The following LLGL1 variants were observed in gnomAD, a reference collection of about 807,000 sequenced individuals.
The protein encoded by LLGL1 is LLGL scribble cell polarity complex component 1, also known as lethal(2) giant larvae protein homolog 1.
Under a neutral mutation model 110.6 loss-of-function variants are expected in LLGL1, and 58 were observed. The ratio of observed to expected loss-of-function variants is 0.52; its 90% CI spans 0.42 to 0.65. LLGL1 has a LOEUF of 0.65. Ranked by LOEUF, LLGL1 falls within the 30% of genes least tolerant of loss-of-function variation. LLGL1 has a pLI of 0.00. For synonymous variants in LLGL1, 674 were observed against 607.2 expected, an observed-to-expected ratio of 1.11 and a Z score of -1.62; for missense variants, 1,229 against 1,462.1, an observed-to-expected ratio of 0.84 and a Z score of 2.60.
chr17:18,233,164 G>A (rs2047606266), intron 4 of LLGL1, among the ~76,000 whole-genome samples: 1 of 152,220 alleles, frequency 6.6e-6, no homozygotes, highest in African/African-American at 2.4e-5. Flanking sequence ...TTAGTAACAG[G>A]AAGGGTCCCC....
Position 18,232,505 on chromosome 17 carries a change from C to A in LLGL1, c.190C>A (p.Pro64Thr). 5.0e-6 allele frequency: 8 copies of A among 1,613,840 alleles called. No homozygotes were observed. The highest frequency in any genetic ancestry group is 6.8e-6 in the Non-Finnish European group (8 of 1,179,816). Reference sequence around the variant, plus strand: ...ACCTGCCACCCTCAGCTATGGTGCACCTGGCGTGGAGTTCACAGGCCTGCA... The same window carrying A: ...ACCTGCCACCCTCAGCTATGGTGCAACTGGCGTGGAGTTCACAGGCCTGCA... ...RSGAVKIYGAPGVEFTGLHRD... is the reference protein window; with the variant it reads ...RSGAVKIYGATGVEFTGLHRD... Residue 64 changes from proline (P) to threonine (T), a missense_variant, in exon 3 of 23, where the codon CCT becomes ACT. Coordinates refer to ENST00000316843, the MANE Select transcript of LLGL1 (RefSeq NM_004140.4).
In LLGL1 at chr17:18,225,702, G is replaced by C; in HGVS notation, c.20G>C (p.Arg7Pro). 5.7e-6 allele frequency: 6 copies of C among 1,050,110 alleles called. No individual in the cohort carries two copies. The highest frequency in any genetic ancestry group is 5.8e-6 in the Non-Finnish European group (5 of 862,258). The allele number at this position is 1,050,110 out of a possible 1,614,324, so 65.0% of individuals were successfully genotyped here. A position where few individuals can be genotyped will look rare whatever the true frequency, so the allele number is the denominator to read the frequency against. Reference protein sequence around the residue: MMKFRFRRQGADPQREK... With the variant: MMKFRFPRQGADPQREK... ...CGCAAGATGATGAAGTTTCGGTTCC[G>C]GCGGCAGGGCGCCGACCCGCAGCGC... The change falls in exon 1 of 23, where the codon CGG becomes CCG. Residue 7 changes from arginine to proline, a missense_variant. Transcript: ENST00000316843.
rs529500737 is a variant in LLGL1, at chr17:18,236,846, C to T, written c.1518C>T (p.Phe506=). ...DWPPFRKVGC[F]DPYSDDPRLG... is the part of the protein sequence containing the mutation. ...TCCCATCCCTCTAGGTGGGCTGCTT[C>T]GATCCCTACAGTGACGATCCCCGGC... Residue 506 remains phenylalanine, a synonymous_variant, in exon 13 of 23, where the codon TTC becomes TTT. Coordinates refer to ENST00000316843, the MANE Select transcript of LLGL1 (RefSeq NM_004140.4). The T allele has an allele frequency of 3.2e-5, 51 of 1,613,816 alleles. No individual in the cohort carries two copies. In the South Asian group the frequency reaches 4.4e-4, roughly 14 times the overall value.
At chr17:18,233,149 G>A (rs2047605869) in intron 4 of LLGL1, among the ~76,000 whole-genome samples, 1 of 152,190 alleles carries the variant, frequency 6.6e-6, no homozygotes, top group South Asian at 2.1e-4. Context: ...CAGGGCCTAA[G>A]CCAGTTAGTA....
In LLGL1 at chr17:18,240,601, T is replaced by G; in HGVS notation, c.2230T>G (p.Trp744Gly). Reference sequence around the variant, plus strand: ...AGGGGCCCACCACGGGCCCACCATGTGGGCTGGCACCAACTCAGGCTCTGT... The same window carrying G: ...AGGGGCCCACCACGGGCCCACCATGGGGGCTGGCACCAACTCAGGCTCTGT... ...RDGAHHGPTM[W>G]AGTNSGSVFA... Residue 744 changes from tryptophan to glycine, a missense_variant, in exon 17 of 23, where the codon TGG (tryptophan) becomes GGG (glycine). Coordinates refer to ENST00000316843, the MANE Select transcript of LLGL1 (RefSeq NM_004140.4). This position sits in a 1 kb window ranked among gnomAD's most constrained non-coding sequence, Gnocchi z 5.3. 1 of 1,601,604 alleles carries G rather than the reference T, an allele frequency of 6.2e-7. No homozygotes were observed. The highest frequency in any genetic ancestry group is 1.1e-5 in the South Asian group (1 of 90,574).
rs1265059426 is a variant in LLGL1 at position 18,238,181 on chromosome 17, T to C, written c.2019T>C (p.Ser673=). The C allele has an allele frequency of 6.2e-7, 1 of 1,612,886 alleles. No homozygotes were observed. Among genetic ancestry groups the C allele is most frequent in the Middle Eastern group, 1.6e-4 (1 of 6,062 alleles). Residue 673 remains serine (S), a synonymous_variant, in exon 15 of 23, where the codon TCT becomes TCC. Transcript: ENST00000316843. ...SFRRIRKSRV[S]GKKRAANASS... is the part of the protein sequence containing the mutation. The stretch of plus-strand genomic sequence containing the variant: ...GGCGCATTCGCAAGAGTCGTGTCTC[T>C]GGCAAGAAGCGGGCTGCTAATGCCA...
chr17:18,234,973 A>G lies in LLGL1; in HGVS notation c.1040A>G (p.His347Arg), dbSNP rs1212774836. The G allele has an allele frequency of 1.2e-6, 2 of 1,613,944 alleles. No homozygotes were observed. Among genetic ancestry groups the G allele is most frequent in the South Asian group, 1.1e-5 (1 of 91,068 alleles). ...TSRIIDFFTV[H>R]STRPEDEFDD... ...CGCATCATCGACTTCTTCACAGTGC[A>G]CAGCACACGGCCCGAGGATGGTGCG... Residue 347 changes from histidine to arginine, a missense_variant, in exon 9 of 23, where the codon CAC (histidine) becomes CGC (arginine). Transcript: ENST00000316843.
At position 18,235,110 on chromosome 17, in the gene LLGL1, T is replaced by G; in HGVS notation, c.1082T>G (p.Leu361Arg). The change falls in exon 10 of 23, where the codon CTG (leucine) becomes CGG (arginine). Residue 361 changes from leucine (L) to arginine (R), a missense_variant. Coordinates refer to ENST00000316843, the MANE Select transcript of LLGL1 (RefSeq NM_004140.4). ...ACAGAATTTGATGACCCCCAGGCCC[T>G]GGCTGTGCTGCTGGAAGAGGAGCTG... ...PEDEFDDPQA[L>R]AVLLEEELVV... 1 of 1,613,932 alleles carries G rather than the reference T, an allele frequency of 6.2e-7. No individual in the cohort carries two copies.
rs899775274 is a variant in LLGL1, at chr17:18,235,078, C to G, written c.1061-11C>G. On this transcript the variant is annotated splice_polypyrimidine_tract_variant and intron_variant, in intron 9 of 22. Coordinates refer to ENST00000316843, the MANE Select transcript of LLGL1 (RefSeq NM_004140.4). ...TGGCTGTGCTCACCCCATACTCCCT[C>G]CGTCCCACAGAATTTGATGACCCCC... 6.2e-7 allele frequency: 1 copy of G among 1,613,924 alleles called. No homozygotes were observed. The highest frequency in any genetic ancestry group is 8.5e-7 in the Non-Finnish European group (1 of 1,179,976).
In LLGL1 at chr17:18,240,967, C is replaced by G. The variant is rs2047817783; in HGVS notation, c.2502+94C>G. On this transcript the variant is annotated intron_variant, in intron 17 of 22. Coordinates refer to ENST00000316843, the MANE Select transcript of LLGL1 (RefSeq NM_004140.4). This position sits in a 1 kb window ranked among gnomAD's most constrained non-coding sequence, Gnocchi z 5.3. ...TGGACCCTCAAGAAACCCTTCCTGC[C>G]TGTATCCCCCACTGTTGGGACCCTA... The G allele has an allele frequency of 7.8e-7, 1 of 1,280,648 alleles. No individual in the cohort carries two copies. Among genetic ancestry groups the G allele is most frequent in the African/African-American group, 1.5e-5 (1 of 66,686 alleles). The allele number at this position is 1,280,648 out of a possible 1,614,324, so 79.3% of individuals were successfully genotyped here.
In LLGL1 at chr17:18,237,752, G is replaced by T. The variant is rs144655159; in HGVS notation, c.1883G>T (p.Arg628Leu). 16 of 1,609,688 alleles carry T rather than the reference G, an allele frequency of 9.9e-6. No individual in the cohort carries two copies. Among genetic ancestry groups the T allele is most frequent in the Non-Finnish European group, 1.4e-5 (16 of 1,177,844 alleles). The stretch of plus-strand genomic sequence containing the variant: ...GGCTTTGGCCTCTTCGACTACCAGC[G>T]CAAGAGCCCTGTGCTGGCCAGGTGT... Reference protein sequence around the residue: ...SHGFGLFDYQRKSPVLARCTL... With the variant: ...SHGFGLFDYQLKSPVLARCTL... The change falls in exon 14 of 23, where the codon CGC (arginine) becomes CTC (leucine). Residue 628 changes from arginine (R) to leucine (L), a missense_variant. Transcript: ENST00000316843.
At chr17:18,229,374 C>T (rs1369470128) in intron 1 of LLGL1, among the ~76,000 whole-genome samples, 2 of 152,168 alleles carry the variant, frequency 1.3e-5, no homozygotes. Flanking sequence ...AGCTACCCCT[C>T]TCTGGGCCTC....
chr17:18,243,588 C>G (rs190671702), intron 22 of LLGL1, among the ~76,000 whole-genome samples: 1 of 152,312 alleles, frequency 6.6e-6, no homozygotes, highest in East Asian at 1.9e-4. Context: ...ATGTGGGGCC[C>G]ATAGATCTGC....
At chr17:18,227,108 CT>C (rs1345441091) in intron 1 of LLGL1, among the ~76,000 whole-genome samples, 3 of 152,150 alleles carry the variant, frequency 2.0e-5, no homozygotes, top group Non-Finnish European at 4.4e-5. Context: ...TGAGGAGACA[CT>C]TGTCTTGGAG....
chr17:18,231,127 T>G (rs1444206840), intron 2 of LLGL1, among the ~76,000 whole-genome samples: 2 of 152,176 alleles, frequency 1.3e-5, no homozygotes, highest in Non-Finnish European at 2.9e-5. Flanking sequence ...GAACCTGAAG[T>G]GCAGATGAGG....
chr17:18,232,475 C>T lies in LLGL1; in HGVS notation c.180-20C>T. On this transcript the variant is annotated intron_variant, in intron 2 of 22. Coordinates refer to ENST00000316843, the MANE Select transcript of LLGL1 (RefSeq NM_004140.4). ...GTTTGCTGGTCTATGCCTATTTCCA[C>T]CTTGACCTGCCACCCTCAGCTATGG... 3 of 1,609,974 alleles carry T rather than the reference C, an allele frequency of 1.9e-6. No individual in the cohort carries two copies. The highest frequency in any genetic ancestry group is 2.5e-6 in the Non-Finnish European group (3 of 1,177,308).
At chr17:18,236,441 C>G (rs1049186049) in intron 11 of LLGL1, 166 bp from the exon 12 acceptor site, 2 of 651,298 alleles carry the variant, frequency 3.1e-6, no homozygotes, top group Admixed American at 2.7e-5. Flanking sequence ...CACAGTGTAC[C>G]TGTGCTGTCT....
Position 18,234,400 on chromosome 17 carries a change from C to T in LLGL1, c.842C>T (p.Thr281Ile). The change falls in exon 7 of 23, where the codon ACA (threonine) becomes ATA (isoleucine). Residue 281 changes from threonine (T) to isoleucine (I), a missense_variant. Transcript: ENST00000316843. The stretch of plus-strand genomic sequence containing the variant: ...ACGCTGCAGCCCACGGTAGCCACCA[C>T]ACCTTACGGTGAGTGCTGGGGACAC... ...FPTLQPTVAT[T>I]PYGPFPCKAI... 1.2e-6 allele frequency: 2 copies of T among 1,612,608 alleles called. No homozygotes were observed. The highest frequency in any genetic ancestry group is 1.1e-5 in the South Asian group (1 of 91,004).
chr17:18,232,241 G>A (rs557200201), intron 2 of LLGL1, among the ~76,000 whole-genome samples: 5 of 152,230 alleles, frequency 3.3e-5, no homozygotes, highest in South Asian at 4.1e-4. Flanking sequence ...CCCAATTTAC[G>A]GGAAGTGAAG....
Sources: gnomAD v4.1 joint callset for allele counts (sites outside exome capture counted in the v4.1 genomes callset) on GRCh38, gnomAD v4.1.1 for gene constraint, Gnocchi (gnomAD v3.1) non-coding constraint, MANE v1.5 for transcripts, NCBI Gene and HGNC (gene_info 2026-07-23, HGNC 2026-07-21) for gene names.